The following FRMD4B variants were observed in gnomAD, a reference collection of about 807,000 sequenced individuals.
The protein encoded by FRMD4B is FERM domain containing 4B.
Under a neutral mutation model 141.5 loss-of-function variants are expected in FRMD4B, and 74 were observed. That is an observed-to-expected ratio of 0.52 (90% CI 0.43 to 0.63). FRMD4B has a LOEUF of 0.63. FRMD4B is among the 30% of genes least tolerant of loss of function. The pLI is 0.00. For synonymous variants in FRMD4B, 506 were observed against 467.9 expected (o/e 1.08, Z -1.05); for missense variants, 1,366 against 1,253.4 (o/e 1.09, Z -1.36).
intron 7 of FRMD4B, among the ~76,000 whole-genome samples, chr3:69,234,473 C>T (rs1204172418): frequency 4.6e-5 from 7 of 152,184 alleles, no homozygotes; most frequent in African/African-American, 1.7e-4. Context: ...AAGAGCTTTT[C>T]ACTGGCTAGC....
chr3:69,267,171 T>G (rs1187521519), intron 5 of FRMD4B, among the ~76,000 whole-genome samples: 1 of 152,208 alleles, frequency 6.6e-6, no homozygotes, highest in Non-Finnish European at 1.5e-5. Context: ...ATGTCCAACA[T>G]GACATGTGTT....
At chr3:69,210,975 G>A (rs971632073) in intron 11 of FRMD4B, among the ~76,000 whole-genome samples, 2 of 143,954 alleles carry the variant, frequency 1.4e-5, no homozygotes, top group African/African-American at 5.2e-5. Context: ...CTGAGCTCGT[G>A]CCATTGCACT....
chr3:69,408,729 G>A (rs1704700496), intron 2 of FRMD4B, among the ~76,000 whole-genome samples: 1 of 152,128 alleles, frequency 6.6e-6, no homozygotes, highest in African/African-American at 2.4e-5. Context: ...TTTGGAGATA[G>A]TTGCGTGGAG....
intron 1 of FRMD4B, 52 bp downstream of exon 1, chr3:69,385,776 C>T: frequency 2.1e-6 from 3 of 1,435,376 alleles, no homozygotes; most frequent in Non-Finnish European, 2.8e-6. Context: ...CTGCTTCCCA[C>T]GAGTGCCCGG....
At chr3:69,457,299 G>A (rs1391893379) in intron 1 of FRMD4B, among the ~76,000 whole-genome samples, 2 of 152,144 alleles carry the variant, frequency 1.3e-5, no homozygotes, top group Non-Finnish European at 2.9e-5. Flanking sequence ...GGTTAGCATG[G>A]CTGTATCTGG....
chr3:69,349,562 G>A (rs1468877535), intron 1 of FRMD4B, among the ~76,000 whole-genome samples: 2 of 152,152 alleles, frequency 1.3e-5, no homozygotes, highest in Non-Finnish European at 1.5e-5. Context: ...CAAGCTACCT[G>A]ACTTCAAACT....
At chr3:69,331,150 T>G (rs553504054) in intron 1 of FRMD4B, among the ~76,000 whole-genome samples, 2 of 152,288 alleles carry the variant, frequency 1.3e-5, no homozygotes, top group African/African-American at 4.8e-5. Flanking sequence ...TTAAACAGTA[T>G]TTCTGAAGGG....
chr3:69,418,786 G>T (rs1442888300), intron 2 of FRMD4B, among the ~76,000 whole-genome samples: 1 of 152,064 alleles, frequency 6.6e-6, no homozygotes, highest in Non-Finnish European at 1.5e-5. Flanking sequence ...AGAGGACCCA[G>T]TTAAGTTGTG....
At chr3:69,505,300 C>A (rs2107078978) in intron 1 of FRMD4B, among the ~76,000 whole-genome samples, 1 of 152,264 alleles carries the variant, frequency 6.6e-6, no homozygotes, top group Middle Eastern at 3.4e-3. Flanking sequence ...ATCACTTGAA[C>A]CCAGGAGTTC....
At chr3:69,424,148 T>G (rs1705032811) in intron 2 of FRMD4B, among the ~76,000 whole-genome samples, 1 of 152,232 alleles carries the variant, frequency 6.6e-6, no homozygotes, top group South Asian at 2.1e-4. Flanking sequence ...AAAACAAGGT[T>G]ATGTACTGAC....
chr3:69,421,184 C>T (rs1704972287), intron 2 of FRMD4B, among the ~76,000 whole-genome samples: 2 of 152,234 alleles, frequency 1.3e-5, no homozygotes, highest in African/African-American at 4.8e-5. Context: ...CCTCACACAG[C>T]CCCAGAGGTG....
intron 1 of FRMD4B, among the ~76,000 whole-genome samples, chr3:69,314,198 C>CTATATTT (rs1256323296): frequency 1.9e-5 from 1 of 53,620 alleles, no homozygotes; most frequent in Non-Finnish European, 3.0e-5. Flanking sequence ...GAGGAAACTA[C>CTATATTT]TATATTTTTC....
At chr3:69,238,854 A>T (rs1347229997) in intron 7 of FRMD4B, among the ~76,000 whole-genome samples, 1 of 152,126 alleles carries the variant, frequency 6.6e-6, no homozygotes, top group African/African-American at 2.4e-5. Flanking sequence ...TTTACCAAAC[A>T]CTTTATTCCT....
chr3:69,517,002 T>C (rs1021765637), intron 1 of FRMD4B, among the ~76,000 whole-genome samples: 7 of 152,178 alleles, frequency 4.6e-5, no homozygotes, highest in Admixed American at 2.0e-4. Context: ...GTAGCATTGT[T>C]ACTGCACATT....
chr3:69,187,557 A>ATATATATATACATATATATATATG (rs1340246299), intron 19 of FRMD4B, among the ~76,000 whole-genome samples: 5 of 146,572 alleles, frequency 3.4e-5, no homozygotes, highest in Non-Finnish European at 7.5e-5. Context: ...AAAAAAATAT[A>ATATATATATACATATATATATATG]TATATATATA....
chr3:69,502,341 C>T lies in FRMD4B; in HGVS notation c.-129+39865G>A, dbSNP rs546139018. ...AGTGGTACCAAAACAGAGATATAGA[C>T]CAATGGAACAGAACAGAGCCCTCAG... On this transcript the variant is annotated intron_variant, in intron 1 of 5. Transcript: ENST00000459638. Among the ~76,000 whole-genome samples, 12 of 152,188 alleles carry T rather than the reference C, an allele frequency of 7.9e-5. No homozygotes were observed. The South Asian group carries it at 1.7e-3, about 21-fold the overall frequency.
intron 1 of FRMD4B, among the ~76,000 whole-genome samples, chr3:69,343,577 G>GTTTTTGTTTTTTTTT (rs775904583): frequency 1.6e-5 from 2 of 126,506 alleles, no homozygotes; most frequent in African/African-American, 6.0e-5. Flanking sequence ...ACAGTTTTTT[G>GTTTTTGTTTTTTTTT]TTTTTTTTTT....
At chr3:69,198,486 G>T in intron 12 of FRMD4B, 1 of 546,260 alleles carries the variant, frequency 1.8e-6, no homozygotes, top group Non-Finnish European at 3.3e-6. Context: ...ACTGCTGCTT[G>T]GGATGTAAAA....
chr3:69,377,475 C>CCTAG lies in FRMD4B; in HGVS notation c.162+8349_162+8352dup, dbSNP rs1403407341. 3.0e-4 allele frequency among the ~76,000 whole-genome samples: 46 copies of CCTAG among 152,308 alleles called. 1 individual carries two copies. The highest frequency in any genetic ancestry group is 9.6e-4 in the African/African-American group (40 of 41,574). On this transcript the variant is annotated intron_variant, in intron 1 of 22. Coordinates refer to ENST00000398540, the MANE Select transcript of FRMD4B (RefSeq NM_015123.3). ...CCCTTGCTTCAGTGCAGGCTTTGGT[C>CCTAG]CTAGCACCTGTTGGGGAGGCACCCG...
Sources: allele counts gnomAD v4.1 joint callset (sites outside exome capture counted in the v4.1 genomes callset), GRCh38; gene constraint gnomAD v4.1.1; transcripts MANE v1.5; gene names NCBI Gene and HGNC (gene_info 2026-07-23, HGNC 2026-07-21).